The following KLHL29 variants were observed in gnomAD, a reference collection of about 807,000 sequenced individuals.
KLHL29 encodes the protein kelch-like protein 29.
KLHL29 carries 21 observed loss-of-function variants against 80.4 expected under a neutral mutation model. The ratio of observed to expected loss-of-function variants is 0.26; its 90% CI spans 0.19 to 0.38. KLHL29 has a LOEUF of 0.38. KLHL29 is among the 10% of genes least tolerant of loss of function. KLHL29 has a pLI of 1.00. For synonymous variants in KLHL29, 511 were observed against 526.8 expected (o/e 0.97, Z 0.41); for missense variants, 867 against 1,223.9 (o/e 0.71, Z 4.35).
At chr2:23,552,632 C>T (rs901286534) in intron 2 of KLHL29, among the ~76,000 whole-genome samples, 3 of 152,182 alleles carry the variant, frequency 2.0e-5, no homozygotes, top group Admixed American at 6.5e-5. Context: ...TTGGAGAAAG[C>T]AGGCTCCCTG....
intron 2 of KLHL29, among the ~76,000 whole-genome samples, chr2:23,519,518 C>A (rs1666033290): frequency 6.6e-6 from 1 of 152,088 alleles, no homozygotes; most frequent in Non-Finnish European, 1.5e-5. Context: ...AGGGTGTTGC[C>A]CTATTTAGGA....
intron 3 of KLHL29, among the ~76,000 whole-genome samples, chr2:23,570,771 T>A (rs1174165957): frequency 6.6e-6 from 1 of 152,234 alleles, no homozygotes; most frequent in East Asian, 1.9e-4. Context: ...GTGTCCCAAT[T>A]GCTCATGCTT....
At chr2:23,387,506 T>A (rs1238731911) in intron 1 of KLHL29, among the ~76,000 whole-genome samples, 1 of 87,134 alleles carries the variant, frequency 1.1e-5, no homozygotes, top group African/African-American at 4.8e-5. Flanking sequence ...ATTCCTGATT[T>A]ATTATTATTA....
intron 2 of KLHL29, among the ~76,000 whole-genome samples, chr2:23,482,084 A>G (rs1239131172): frequency 6.6e-6 from 1 of 152,138 alleles, no homozygotes. Context: ...CATGCTAAAC[A>G]GCAGGCGGAG....
At chr2:23,670,913 ACGCGC>A (rs1670705384) in intron 5 of KLHL29, among the ~76,000 whole-genome samples, 1 of 15,412 alleles carries the variant, frequency 6.5e-5, no homozygotes, top group Non-Finnish European at 2.0e-4. Flanking sequence ...ACACACATGC[ACGCGC>A]TCTCTCTCTC....
At chr2:23,590,761 G>A (rs916300402) in intron 3 of KLHL29, among the ~76,000 whole-genome samples, 8 of 152,208 alleles carry the variant, frequency 5.3e-5, no homozygotes, top group African/African-American at 1.9e-4. Flanking sequence ...AAGCAAGGCA[G>A]GGAGAGTGCG....
intron 2 of KLHL29, among the ~76,000 whole-genome samples, chr2:23,480,307 T>C (rs1346915140): frequency 6.6e-6 from 1 of 152,096 alleles, no homozygotes; most frequent in Non-Finnish European, 1.5e-5. Flanking sequence ...GCCAACATGG[T>C]GAAACCCCAT....
At chr2:23,615,693 AG>A (rs1207936795) in intron 3 of KLHL29, among the ~76,000 whole-genome samples, 1 of 152,082 alleles carries the variant, frequency 6.6e-6, no homozygotes, top group Non-Finnish European at 1.5e-5. Flanking sequence ...ATTCCAGTCT[AG>A]GGGGCTTCAC....
At chr2:23,665,266 C>A (rs938962462) in intron 5 of KLHL29, among the ~76,000 whole-genome samples, 2 of 152,236 alleles carry the variant, frequency 1.3e-5, no homozygotes, top group African/African-American at 4.8e-5. Flanking sequence ...GGATTGCCAC[C>A]AGGGGCGCAG....
intron 1 of KLHL29, among the ~76,000 whole-genome samples, chr2:23,445,386 AC>A (rs896471518): frequency 6.6e-6 from 1 of 151,972 alleles, no homozygotes; most frequent in South Asian, 2.1e-4. Context: ...ATTCTTCTTC[AC>A]CCTGCATTGT....
In KLHL29 at chr2:23,421,764, GTGTC is replaced by G. The variant is rs1040537625; in HGVS notation, c.-154+35988_-154+35991del. 3.3e-5 allele frequency among the ~76,000 whole-genome samples: 5 copies of G among 150,818 alleles called. No individual in the cohort carries two copies. In the South Asian group the frequency reaches 6.3e-4, roughly 19 times the overall value. On this transcript the variant is annotated intron_variant, in intron 1 of 13. Transcript: ENST00000486442. Reference sequence around the variant, plus strand: ...TGTGTGTGTGTTCATGTGTGTGTGTGTGTCTGTGTGCATATGTGTTCATACATCT... The same window carrying G: ...TGTGTGTGTGTTCATGTGTGTGTGTGTGTGTGCATATGTGTTCATACATCT...
At chr2:23,530,799 T>C (rs1666466356) in intron 2 of KLHL29, among the ~76,000 whole-genome samples, 2 of 152,076 alleles carry the variant, frequency 1.3e-5, no homozygotes, top group South Asian at 4.2e-4. Context: ...GGCCCAGTTC[T>C]TAGCATCTGC....
chr2:23,470,301 C>T (rs1177508710), intron 1 of KLHL29, among the ~76,000 whole-genome samples: 2 of 152,110 alleles, frequency 1.3e-5, no homozygotes, highest in African/African-American at 2.4e-5. Context: ...TTTCGTACTC[C>T]AGAGAGTGCA....
chr2:23,402,609 G>A (rs1002309877), intron 1 of KLHL29, among the ~76,000 whole-genome samples: 3 of 152,170 alleles, frequency 2.0e-5, no homozygotes, highest in Non-Finnish European at 4.4e-5. Flanking sequence ...GGCTTGTCTT[G>A]GGGCAGAACC....
At chr2:23,706,434 A>G (rs1672730303) in intron 13 of KLHL29, 47 bp from the exon 14 acceptor site, 1 of 1,382,170 alleles carries the variant, frequency 7.2e-7, no homozygotes, top group Admixed American at 3.0e-5. Context: ...CTCCAGGGCC[A>G]AGTTGGAAGT....
chr2:23,495,052 T>C (rs1665222673), intron 2 of KLHL29, among the ~76,000 whole-genome samples: 1 of 152,204 alleles, frequency 6.6e-6, no homozygotes, highest in Non-Finnish European at 1.5e-5. Flanking sequence ...TCTGTGAGTA[T>C]TTTATTTATT....
At position 23,478,735 on chromosome 2, in the gene KLHL29, C is replaced by G. The variant is rs371695624; in HGVS notation, c.-46+3068C>G. Among the ~76,000 whole-genome samples the G allele has an allele frequency of 3.0e-4, 45 of 152,278 alleles. 1 individual carries two copies. The highest frequency in any genetic ancestry group is 2.1e-3 in the East Asian group (11 of 5,172). ...GTGCTGGAGCCACCCTGGGCAGCATCCCCTGCCTCCATCATTGAGGCCGTC... is the reference window on the plus strand; with the variant it reads ...GTGCTGGAGCCACCCTGGGCAGCATGCCCTGCCTCCATCATTGAGGCCGTC... On this transcript the variant is annotated intron_variant, in intron 2 of 13. Coordinates refer to ENST00000486442, the MANE Select transcript of KLHL29 (RefSeq NM_052920.2).
chr2:23,673,665 CAG>C (rs940570074), intron 5 of KLHL29, among the ~76,000 whole-genome samples: 28 of 151,366 alleles, frequency 1.8e-4, no homozygotes, highest in African/African-American at 5.8e-4. Flanking sequence ...GACACATACA[CAG>C]GGGTGCATAC....
At chr2:23,518,369 G>A (rs1169495676) in intron 2 of KLHL29, among the ~76,000 whole-genome samples, 1 of 152,220 alleles carries the variant, frequency 6.6e-6, no homozygotes, top group African/African-American at 2.4e-5. Context: ...TGGTCCTCTG[G>A]GAGGGCAAGT....
Sources: allele counts gnomAD v4.1 joint callset (sites outside exome capture counted in the v4.1 genomes callset), GRCh38; gene constraint gnomAD v4.1.1; transcripts MANE v1.5; gene names NCBI Gene and HGNC (gene_info 2026-07-23, HGNC 2026-07-21).